KCTD13: variants seen among roughly 807,000 people sequenced by gnomAD.
The protein encoded by KCTD13 is potassium channel tetramerization domain containing 13, also known as BTB/POZ domain-containing adapter for CUL3-mediated RhoA degradation protein 1.
KCTD13 carries 15 observed loss-of-function variants against 32.3 expected under a neutral mutation model. The ratio of observed to expected loss-of-function variants is 0.46; its 90% confidence interval spans 0.31 to 0.71. The LOEUF is 0.71. Among genes scored for constraint, KCTD13 ranks in the 30% least tolerant of loss-of-function variants. The pLI is 0.05. For missense variants in KCTD13, 337 were observed against 452.6 expected (o/e 0.74, Z 2.32); for synonymous variants, 189 against 200.1 (o/e 0.94, Z 0.47).
intron 1 of KCTD13, among the ~76,000 whole-genome samples, chr16:29,923,751 G>T (rs1034680192): frequency 1.3e-5 from 2 of 151,990 alleles, no homozygotes; most frequent in African/African-American, 4.8e-5. Flanking sequence ...ACTCGGGGGG[G>T]GGCGAGGCAG....
rs1022304792 is a variant in KCTD13, at chr16:29,906,764, A to T, written c.*108T>A. On this transcript the variant is annotated 3_prime_UTR_variant, in exon 6 of 6. Transcript: ENST00000568000. Reference sequence around the variant, plus strand: ...GTGCCATGCAATGAAGGGACAGAGGAGGACCCACGACTTGGCCAGCAGAGC... The same window carrying T: ...GTGCCATGCAATGAAGGGACAGAGGTGGACCCACGACTTGGCCAGCAGAGC... 2 of 887,426 alleles carry T rather than the reference A, an allele frequency of 2.3e-6. No homozygotes were observed. Among genetic ancestry groups the T allele is most frequent in the East Asian group, 5.3e-5 (2 of 37,910 alleles). 55.0% of individuals were successfully genotyped at this position (887,426 alleles called of 1,614,324 possible). A position where few individuals can be genotyped will look rare whatever the true frequency, so the allele number is the denominator to read the frequency against.
Position 29,926,155 on chromosome 16 carries a change from C to T in KCTD13, c.-122G>A. ...CCGCTCGGCGCACACGCCCACTCACCGCAGCTACTCTGCAAGACCGGCCCT... is the reference window on the plus strand; with the variant it reads ...CCGCTCGGCGCACACGCCCACTCACTGCAGCTACTCTGCAAGACCGGCCCT... On this transcript the variant is annotated 5_prime_UTR_variant, in exon 1 of 6. Transcript: ENST00000568000. 8.7e-7 allele frequency: 1 copy of T among 1,149,098 alleles called. No homozygotes were observed. The highest frequency in any genetic ancestry group is 1.2e-6 in the Non-Finnish European group (1 of 863,820). The allele number at this position is 1,149,098 out of a possible 1,614,324, so 71.2% of individuals were successfully genotyped here. A position where few individuals can be genotyped will look rare whatever the true frequency, so the allele number is the denominator to read the frequency against.
At chr16:29,911,763 G>T in intron 4 of KCTD13, 52 bp downstream of exon 4, 7 of 1,594,860 alleles carry the variant, frequency 4.4e-6, no homozygotes, top group Non-Finnish European at 6.0e-6. Context: ...GCAGAAGCAG[G>T]GCTGTGCTGC....
intron 2 of KCTD13, among the ~76,000 whole-genome samples, chr16:29,917,078 C>T (rs1409985416): frequency 2.6e-5 from 4 of 152,144 alleles, no homozygotes; most frequent in African/African-American, 7.2e-5. Context: ...TCTGCAATGT[C>T]CTATTGGTCA....
chr16:29,920,122 G>C (rs2068880941), intron 2 of KCTD13: 1 of 152,300 alleles, frequency 6.6e-6, no homozygotes, highest in African/African-American at 2.4e-5. Context: ...AGGAGTTCGA[G>C]ACCAGCCTGG....
intron 2 of KCTD13, chr16:29,920,673 A>G (rs553700028): frequency 6.6e-6 from 1 of 152,352 alleles, no homozygotes; most frequent in African/African-American, 2.4e-5. Context: ...AATCAGAGGC[A>G]TGCAAATGAA....
chr16:29,909,029 T>C (rs1257145194), intron 5 of KCTD13, among the ~76,000 whole-genome samples: 1 of 150,732 alleles, frequency 6.6e-6, no homozygotes, highest in Non-Finnish European at 1.5e-5. Context: ...TCAGAGGATG[T>C]TTCTTGGAAG....
intron 2 of KCTD13, among the ~76,000 whole-genome samples, chr16:29,912,553 G>A (rs2068733957): frequency 6.6e-6 from 1 of 152,198 alleles, no homozygotes; most frequent in Admixed American, 6.5e-5. Flanking sequence ...CAATTCTCCT[G>A]CCTCAGCCTC....
intron 5 of KCTD13, among the ~76,000 whole-genome samples, chr16:29,908,080 TAAG>T (rs1567438938): frequency 6.6e-6 from 1 of 151,232 alleles, no homozygotes; most frequent in East Asian, 1.9e-4. Flanking sequence ...GTTACAACTT[TAAG>T]AAGGACTCCA....
rs551055147 is a variant in KCTD13, at chr16:29,915,606, A to C, written c.415-3557T>G. On this transcript the variant is annotated intron_variant, in intron 2 of 5. Transcript: ENST00000568000. Reference sequence around the variant, plus strand: ...GGAGGAGGTTGCAGTGAGCTATCTCAAAAAAAAAAAAAAGAAAAGAAAAAG... The same window carrying C: ...GGAGGAGGTTGCAGTGAGCTATCTCCAAAAAAAAAAAAAGAAAAGAAAAAG... 1.6e-3 allele frequency among the ~76,000 whole-genome samples: 222 copies of C among 140,268 alleles called. 3 individuals carry two copies. Among genetic ancestry groups the C allele is most frequent in the Admixed American group, 0.015 (205 of 14,018 alleles). The allele number at this position is 140,268 out of a possible 152,430, so 92.0% of individuals were successfully genotyped here.
intron 2 of KCTD13, chr16:29,920,902 G>A (rs1201218338): frequency 6.6e-6 from 1 of 152,176 alleles, no homozygotes. Context: ...AATGACAGGA[G>A]ACTGGCACAG....
intron 2 of KCTD13, among the ~76,000 whole-genome samples, chr16:29,916,977 A>C (rs2068821408): frequency 6.6e-6 from 1 of 152,234 alleles, no homozygotes; most frequent in Admixed American, 6.5e-5. Context: ...GAGTGTCCTC[A>C]CATAGCATTC....
intron 1 of KCTD13, among the ~76,000 whole-genome samples, chr16:29,925,329 G>A (rs1041773784): frequency 6.6e-6 from 1 of 152,160 alleles, no homozygotes; most frequent in Non-Finnish European, 1.5e-5. Context: ...GGAACACAGA[G>A]GCAAACAAGA....
chr16:29,909,219 T>G (rs2068663963), intron 5 of KCTD13, among the ~76,000 whole-genome samples: 1 of 152,146 alleles, frequency 6.6e-6, no homozygotes, highest in Non-Finnish European at 1.5e-5. Context: ...AAACACTGTC[T>G]TTAGCTATGA....
intron 5 of KCTD13, among the ~76,000 whole-genome samples, chr16:29,908,299 G>A (rs1445439440): frequency 1.3e-5 from 2 of 152,194 alleles, no homozygotes. Context: ...GGATGAAGTC[G>A]AAGAGGTGAC....
At position 29,906,650 on chromosome 16, in the gene KCTD13, G is replaced by A. The variant is rs2068618589; in HGVS notation, c.*222C>T. The stretch of plus-strand genomic sequence containing the variant: ...CAGGGCCAGGGTGGGGACAAGTGTT[G>A]GCTTCGGAAGGCTCTGAGTGGTGGG... On this transcript the variant is annotated 3_prime_UTR_variant, in exon 6 of 6. Transcript: ENST00000568000. The A allele has an allele frequency of 3.0e-6, 2 of 677,556 alleles. No homozygotes were observed. Among genetic ancestry groups the A allele is most frequent in the Non-Finnish European group, 5.4e-6 (2 of 368,450 alleles). 42.0% of individuals were successfully genotyped at this position (677,556 alleles called of 1,614,324 possible).
intron 2 of KCTD13, chr16:29,922,344 T>C (rs2068928760): frequency 6.6e-6 from 1 of 152,092 alleles, no homozygotes; most frequent in East Asian, 1.9e-4. Context: ...AAAAGAAACT[T>C]TTATAATCTT....
At chr16:29,913,281 C>T (rs2068748999) in intron 2 of KCTD13, 1 of 152,080 alleles carries the variant, frequency 6.6e-6, no homozygotes, top group Non-Finnish European at 1.5e-5. Context: ...GAAAGGCCGA[C>T]CCTGCCAGAT....
intron 2 of KCTD13, among the ~76,000 whole-genome samples, chr16:29,917,998 A>C (rs2068839698): frequency 6.6e-6 from 1 of 152,142 alleles, no homozygotes; most frequent in African/African-American, 2.4e-5. Context: ...AAATCAGAAA[A>C]ACATTTTTAA....
Sources: allele counts gnomAD v4.1 joint callset (sites outside exome capture counted in the v4.1 genomes callset), GRCh38; gene constraint gnomAD v4.1.1; transcripts MANE v1.5; gene names NCBI Gene and HGNC (gene_info 2026-07-23, HGNC 2026-07-21).